PGAP1: variants seen among roughly 807,000 people sequenced by gnomAD.
PGAP1 encodes GPI inositol-deacylase.
Under a neutral mutation model 127.0 loss-of-function variants are expected in PGAP1, and 76 were observed. The observed-to-expected ratio is 0.60, with a 90% CI of 0.50 to 0.72. The LOEUF (loss-of-function observed/expected upper bound fraction) is 0.72, where lower values mean the gene tolerates loss of function less well. PGAP1 is among the 30% of genes least tolerant of loss of function. PGAP1 has a pLI of 0.00. For missense variants in PGAP1, 982 were observed against 1,071.3 expected (o/e 0.92, Z 1.16); for synonymous variants, 362 against 366.5 (o/e 0.99, Z 0.14).
chr2:196,923,625 T>C (rs1008491033), intron 1 of PGAP1, among the ~76,000 whole-genome samples: 3 of 152,182 alleles, frequency 2.0e-5, no homozygotes, highest in Non-Finnish European at 4.4e-5. Flanking sequence ...AATAACACAC[T>C]TAATAACAAA....
chr2:196,924,223 T>C (rs1418458921), intron 1 of PGAP1, among the ~76,000 whole-genome samples: 1 of 151,688 alleles, frequency 6.6e-6, no homozygotes, highest in Non-Finnish European at 1.5e-5. Flanking sequence ...GCTGGCTAAC[T>C]AAAGAAGATG....
At position 196,899,341 on chromosome 2, in the gene PGAP1, A is replaced by T. The variant is rs1576175236; in HGVS notation, c.808-972T>A. ...GAATCACTAACACCCTGAACTCTAT[A>T]AATAATAATGTATCTTTGGGTTCCA... On this transcript the variant is annotated intron_variant, in intron 5 of 26. Coordinates refer to ENST00000354764, the MANE Select transcript of PGAP1 (RefSeq NM_024989.4). Among the ~76,000 whole-genome samples, 3 of 152,328 alleles carry T rather than the reference A, an allele frequency of 2.0e-5. No individual in the cohort carries two copies. In the Middle Eastern group the frequency reaches 0.01, roughly 518 times the overall value.
chr2:196,857,932 C>T (rs535138379), intron 20 of PGAP1, among the ~76,000 whole-genome samples: 1 of 152,240 alleles, frequency 6.6e-6, no homozygotes, highest in Non-Finnish European at 1.5e-5. Flanking sequence ...CCTGAATATG[C>T]ATAAGTTTAC....
At chr2:196,903,509 C>T (rs1433110332) in intron 4 of PGAP1, among the ~76,000 whole-genome samples, 1 of 147,848 alleles carries the variant, frequency 6.8e-6, no homozygotes, top group Non-Finnish European at 1.5e-5. Context: ...TGCAGTGAGC[C>T]GAGATTGTGC....
rs567841174 is a variant in PGAP1, at chr2:196,837,723, T to C, written c.*3511A>G. On this transcript the variant is annotated 3_prime_UTR_variant, in exon 27 of 27. Transcript: ENST00000354764. ...TTGGAAATGAGTAGTATCACATGAA[T>C]GACAAGACAACCAACAACAAACACT... 6.6e-6 allele frequency: 1 copy of C among 152,322 alleles called. No homozygotes were observed. Among genetic ancestry groups the C allele is most frequent in the East Asian group, 1.9e-4 (1 of 5,192 alleles). The allele number at this position is 152,322 out of a possible 1,614,324, so 9.4% of individuals were successfully genotyped here.
intron 23 of PGAP1, among the ~76,000 whole-genome samples, chr2:196,844,861 C>A (rs1700513933): frequency 6.6e-6 from 1 of 152,014 alleles, no homozygotes; most frequent in African/African-American, 2.4e-5. Context: ...TACCGCTATA[C>A]CTTTTATAAC....
intron 13 of PGAP1, among the ~76,000 whole-genome samples, chr2:196,876,664 G>T (rs1158373652): frequency 2.0e-5 from 3 of 152,090 alleles, no homozygotes; most frequent in Non-Finnish European, 2.9e-5. Flanking sequence ...CTAGCAAGTA[G>T]TTTGCTGTCT....
intron 20 of PGAP1, among the ~76,000 whole-genome samples, chr2:196,862,690 C>G (rs752100177): frequency 6.6e-6 from 1 of 152,142 alleles, no homozygotes; most frequent in Non-Finnish European, 1.5e-5. Flanking sequence ...AGCCAGCCAA[C>G]GCTTAGGGAA....
chr2:196,844,498 T>G, intron 24 of PGAP1, 26 bp downstream of exon 24: 1 of 1,538,158 alleles, frequency 6.5e-7, no homozygotes, highest in South Asian at 1.2e-5. Flanking sequence ...TTTAAATTTA[T>G]GTAGAGTTTT....
intron 20 of PGAP1, among the ~76,000 whole-genome samples, chr2:196,862,898 A>G (rs1701113805): frequency 6.6e-6 from 1 of 152,188 alleles, no homozygotes; most frequent in African/African-American, 2.4e-5. Context: ...AGCCTGGGCA[A>G]CAAGAGCAAA....
chr2:196,895,538 C>T (rs1702244622), intron 7 of PGAP1, among the ~76,000 whole-genome samples: 2 of 152,118 alleles, frequency 1.3e-5, no homozygotes, highest in South Asian at 4.2e-4. Context: ...GTTGCATGAC[C>T]AAGTCACAGT....
rs147894985 is a variant in PGAP1 at position 196,912,384 on chromosome 2, C to T, written c.649+498G>A. Among the ~76,000 whole-genome samples, 208 of 151,982 alleles carry T rather than the reference C, an allele frequency of 1.4e-3. 1 individual carries two copies. The highest frequency in any genetic ancestry group is 3.4e-3 in the Middle Eastern group (1 of 294). On this transcript the variant is annotated intron_variant, in intron 4 of 26. Transcript: ENST00000354764. ...GCATGGTGGCTTATGCCTGTAATCC[C>T]AGCACTTTGGGAGGCTGAGATAGGC...
chr2:196,922,024 C>A, intron 1 of PGAP1: 2 of 506,736 alleles, frequency 3.9e-6, no homozygotes, highest in Non-Finnish European at 2.7e-6. Context: ...CTTACAGGAG[C>A]AGGACTCCAA....
intron 4 of PGAP1, among the ~76,000 whole-genome samples, chr2:196,912,602 A>AAAAAAAAAC (rs1702865593): frequency 6.9e-6 from 1 of 145,282 alleles, no homozygotes; most frequent in African/African-American, 2.6e-5. Flanking sequence ...AAAAAAAAAA[A>AAAAAAAAAC]AAAAACTAAA....
At chr2:196,892,257 C>T in intron 9 of PGAP1, 89 bp downstream of exon 9, 2 of 618,446 alleles carry the variant, frequency 3.2e-6, no homozygotes, top group Non-Finnish European at 5.7e-6. Context: ...ATGCAGTTAT[C>T]TTGTTTAAAG....
At chr2:196,859,243 C>A (rs1034253695) in intron 20 of PGAP1, among the ~76,000 whole-genome samples, 2 of 152,280 alleles carry the variant, frequency 1.3e-5, no homozygotes, top group Non-Finnish European at 2.9e-5. Context: ...ACAAGAATCA[C>A]TTGAACCTGG....
At position 196,884,459 on chromosome 2, in the gene PGAP1, C is replaced by A. The variant is rs1701832585; in HGVS notation, c.1272+965G>T. On this transcript the variant is annotated intron_variant, in intron 12 of 26. Transcript: ENST00000354764. The stretch of plus-strand genomic sequence containing the variant: ...AATGAATATGTACAAATAAGATTGA[C>A]CAAGGTGACAAAAAAATTGCAACCA... Among the ~76,000 whole-genome samples the A allele has an allele frequency of 2.0e-5, 3 of 152,096 alleles. No homozygotes were observed. The South Asian group carries it at 6.2e-4, about 32-fold the overall frequency.
intron 7 of PGAP1, among the ~76,000 whole-genome samples, chr2:196,894,110 C>A (rs1357630789): frequency 1.3e-5 from 2 of 152,160 alleles, no homozygotes; most frequent in Admixed American, 6.5e-5. Flanking sequence ...TTATTTAGAG[C>A]AAATAACTGA....
At chr2:196,856,457 C>T (rs1368665998) in intron 20 of PGAP1, among the ~76,000 whole-genome samples, 1 of 152,244 alleles carries the variant, frequency 6.6e-6, no homozygotes, top group African/African-American at 2.4e-5. Flanking sequence ...GACTATACTA[C>T]TTGATAAACT....
Sources: gnomAD v4.1 joint callset for allele counts (sites outside exome capture counted in the v4.1 genomes callset) on GRCh38, gnomAD v4.1.1 for gene constraint, MANE v1.5 for transcripts, NCBI Gene and HGNC (gene_info 2026-07-23, HGNC 2026-07-21) for gene names.